RPS6KC1: variants seen among roughly 807,000 people sequenced by gnomAD.
The protein encoded by RPS6KC1 is ribosomal protein S6 kinase C1, also known as inactive ribosomal protein S6 kinase delta-1.
RPS6KC1 carries 54 observed loss-of-function variants against 103.8 expected under a neutral mutation model. The ratio of observed to expected loss-of-function variants is 0.52; its 90% confidence interval spans 0.42 to 0.65. RPS6KC1 has a LOEUF of 0.65. Among genes scored for constraint, RPS6KC1 ranks in the 30% least tolerant of loss-of-function variants. The pLI is 0.00. For missense variants in RPS6KC1, 1,151 were observed against 1,253.8 expected (o/e 0.92, Z 1.24); for synonymous variants, 439 against 438.7 (o/e 1.00, Z -0.01).
At chr1:213,413,435 TG>T in the RPS6KC1 span, among the ~76,000 whole-genome samples, 8 of 152,186 alleles carry the variant, frequency 5.3e-5, no homozygotes, top group South Asian at 1.7e-3. Flanking sequence ...GAGGTTGGAG[TG>T]GCTTAGCTGG....
chr1:213,529,236 A>T, the RPS6KC1 span, among the ~76,000 whole-genome samples: 3 of 152,148 alleles, frequency 2.0e-5, no homozygotes, highest in Admixed American at 2.0e-4. Flanking sequence ...GGATCACGGG[A>T]GAGCTAACCA....
At chr1:213,623,618 G>C in the RPS6KC1 span, among the ~76,000 whole-genome samples, 1 of 152,286 alleles carries the variant, frequency 6.6e-6, no homozygotes, top group Non-Finnish European at 1.5e-5. Flanking sequence ...AAAGGGAACT[G>C]TCATACTGAG....
the RPS6KC1 span, among the ~76,000 whole-genome samples, chr1:213,347,016 A>T: frequency 1.7e-4 from 26 of 152,330 alleles, no homozygotes; most frequent in East Asian, 5.0e-3. Context: ...ATATCTTCAA[A>T]GGGCTGAGTG....
At chr1:213,825,996 A>G in the RPS6KC1 span, among the ~76,000 whole-genome samples, 3 of 152,220 alleles carry the variant, frequency 2.0e-5, no homozygotes, top group African/African-American at 7.2e-5. Context: ...ACCCAGATAT[A>G]TCCACCATCA....
chr1:213,241,301 G>T lies in RPS6KC1; in HGVS notation c.1825G>T (p.Ala609Ser), dbSNP rs182116576. The T allele has an allele frequency of 6.2e-7, 1 of 1,613,938 alleles. No homozygotes were observed. Among genetic ancestry groups the T allele is most frequent in the South Asian group, 1.1e-5 (1 of 91,072 alleles). The change falls in exon 11 of 15, where the codon GCA becomes TCA. Residue 609 changes from alanine (A) to serine (S), a missense_variant. By Grantham distance (99) the Ala-to-Ser change is moderately conservative. Coordinates refer to ENST00000366960, the MANE Select transcript of RPS6KC1 (RefSeq NM_012424.6). ...EFFRIDSKDS[A>S]SELLGLDFGE... The stretch of plus-strand genomic sequence containing the variant: ...CTTTAGGATAGACAGTAAGGATAGC[G>T]CAAGTGAACTCCTGGGACTTGACTT...
chr1:213,393,479 A>G, the RPS6KC1 span, among the ~76,000 whole-genome samples: 1 of 152,188 alleles, frequency 6.6e-6, no homozygotes, highest in Non-Finnish European at 1.5e-5. Flanking sequence ...ATGTATCACC[A>G]TCCTGCATGC....
At chr1:213,328,047 T>A in the RPS6KC1 span, among the ~76,000 whole-genome samples, 1 of 152,218 alleles carries the variant, frequency 6.6e-6, no homozygotes, top group Non-Finnish European at 1.5e-5. Context: ...TTAGTATTAT[T>A]TATTTTTTAA....
the RPS6KC1 span, among the ~76,000 whole-genome samples, chr1:213,681,454 A>C: frequency 6.6e-6 from 1 of 152,098 alleles, no homozygotes; most frequent in Non-Finnish European, 1.5e-5. Context: ...GAAGGGAGAT[A>C]ATGGAGAGAG....
chr1:213,545,431 AAAAGAGAGAG>A, the RPS6KC1 span, among the ~76,000 whole-genome samples: 15 of 131,998 alleles, frequency 1.1e-4, no homozygotes, highest in South Asian at 4.7e-4. Flanking sequence ...AAAATAAAAT[AAAAGAGAGAG>A]AGAGAGAGAG....
chr1:213,643,619 C>T, the RPS6KC1 span, among the ~76,000 whole-genome samples: 1 of 151,756 alleles, frequency 6.6e-6, no homozygotes, highest in East Asian at 1.9e-4. Flanking sequence ...TATTCCCCTC[C>T]CTCCCTCAAC....
intron 1 of RPS6KC1, among the ~76,000 whole-genome samples, chr1:213,058,516 A>G (rs568798791): frequency 3.9e-5 from 6 of 152,014 alleles, no homozygotes; most frequent in African/African-American, 1.2e-4. Flanking sequence ...TCCCATTGCA[A>G]CAAAACACCA....
chr1:213,458,590 A>G, the RPS6KC1 span, among the ~76,000 whole-genome samples: 1 of 152,164 alleles, frequency 6.6e-6, no homozygotes, highest in South Asian at 2.1e-4. Context: ...TCCTATTTGA[A>G]TACCCTTTAT....
At chr1:213,714,729 C>T in the RPS6KC1 span, among the ~76,000 whole-genome samples, 1 of 152,240 alleles carries the variant, frequency 6.6e-6, no homozygotes, top group Non-Finnish European at 1.5e-5. Context: ...GAACTCTAGG[C>T]TCTTCTAGGC....
the RPS6KC1 span, among the ~76,000 whole-genome samples, chr1:213,629,955 G>A: frequency 9.2e-5 from 14 of 152,066 alleles, no homozygotes; most frequent in East Asian, 1.9e-4. Flanking sequence ...AGAGATCAGC[G>A]CTTAGTCTGA....
At chr1:213,360,490 C>T in the RPS6KC1 span, among the ~76,000 whole-genome samples, 4 of 152,118 alleles carry the variant, frequency 2.6e-5, no homozygotes, top group Non-Finnish European at 4.4e-5. Context: ...AACTTCTTTG[C>T]GATGGGTTCG....
chr1:213,348,140 G>A, the RPS6KC1 span, among the ~76,000 whole-genome samples: 1 of 152,114 alleles, frequency 6.6e-6, no homozygotes, highest in Non-Finnish European at 1.5e-5. Context: ...AACCAACCGG[G>A]GAGCTTGTTG....
the RPS6KC1 span, among the ~76,000 whole-genome samples, chr1:213,419,784 G>A: frequency 6.6e-6 from 1 of 152,210 alleles, no homozygotes; most frequent in Non-Finnish European, 1.5e-5. Context: ...GGAGAGAGAA[G>A]TGAGCTGCAT....
the RPS6KC1 span, among the ~76,000 whole-genome samples, chr1:213,523,291 C>T: frequency 6.6e-6 from 1 of 152,068 alleles, no homozygotes; most frequent in Non-Finnish European, 1.5e-5. Context: ...CTAGTAACAT[C>T]AAAGATCACT....
At chr1:213,801,417 C>G in the RPS6KC1 span, among the ~76,000 whole-genome samples, 1 of 151,972 alleles carries the variant, frequency 6.6e-6, no homozygotes, top group Non-Finnish European at 1.5e-5. Context: ...TTTATGATTA[C>G]TTGGAGACAT....
Sources: allele counts gnomAD v4.1 joint callset (sites outside exome capture counted in the v4.1 genomes callset), GRCh38; gene constraint gnomAD v4.1.1; transcripts MANE v1.5; gene names NCBI Gene and HGNC (gene_info 2026-07-23, HGNC 2026-07-21).